Variants in ARF4 observed in about 807,000 individuals in gnomAD.
ARF4 encodes ARF GTPase 4, also known as ADP-ribosylation factor 4.
ARF4 carries 5 observed loss-of-function variants against 24.3 expected under a neutral mutation model. The observed-to-expected ratio is 0.21, with a 90% confidence interval of 0.11 to 0.43. The LOEUF is 0.43. ARF4 is among the 20% of genes least tolerant of loss of function. The probability of loss-of-function intolerance (pLI) is 1.00; values close to 1 mark genes in which losing one functional copy is unlikely to be tolerated. For synonymous variants in ARF4, 62 were observed against 73.5 expected (o/e 0.84, Z 0.80); for missense variants, 107 against 213.0 (o/e 0.50, Z 3.10).
At chr3:57,573,965 G>A (rs527338670) in intron 5 of ARF4, among the ~76,000 whole-genome samples, 7 of 148,038 alleles carry the variant, frequency 4.7e-5, no homozygotes, top group East Asian at 4.2e-4. Flanking sequence ...GTTTTGAGAC[G>A]GAGTCTCGCT....
intron 4 of ARF4, 61 bp downstream of exon 4, chr3:57,577,255 C>A: frequency 7.3e-7 from 1 of 1,368,254 alleles, no homozygotes; most frequent in Non-Finnish European, 1.0e-6. Context: ...TACTAAACCA[C>A]CACCAGTTTA....
chr3:57,575,686 G>A lies in ARF4; in HGVS notation c.331-13C>T. 2 of 1,601,494 alleles carry A rather than the reference G, an allele frequency of 1.2e-6. No individual in the cohort carries two copies. Among genetic ancestry groups the A allele is most frequent in the Non-Finnish European group, 1.7e-6 (2 of 1,175,278 alleles). ...CATCTACCAGAAGCTGGAAATAAAA[G>A]GTAAGGCATTAACAACTACCAACCG... On this transcript the variant is annotated splice_polypyrimidine_tract_variant and intron_variant, in intron 4 of 5. Transcript: ENST00000303436.
intron 1 of ARF4, among the ~76,000 whole-genome samples, chr3:57,585,104 T>C (rs1432927061): frequency 1.3e-5 from 2 of 152,272 alleles, no homozygotes; most frequent in African/African-American, 4.8e-5. Flanking sequence ...CCTCAAGTGA[T>C]CTGCCAGCCT....
intron 1 of ARF4, among the ~76,000 whole-genome samples, chr3:57,595,436 T>C (rs2070168348): frequency 6.6e-6 from 1 of 152,198 alleles, no homozygotes; most frequent in Admixed American, 6.6e-5. Flanking sequence ...TTAAATATGC[T>C]TGCCCTCCTA....
intron 1 of ARF4, among the ~76,000 whole-genome samples, chr3:57,589,865 G>A (rs1215472902): frequency 6.6e-6 from 1 of 151,556 alleles, no homozygotes; most frequent in African/African-American, 2.4e-5. Context: ...GGCCGAGGAG[G>A]GTGGATCATG....
At chr3:57,583,293 CCT>C (rs1351914683) in intron 3 of ARF4, among the ~76,000 whole-genome samples, 2 of 151,988 alleles carry the variant, frequency 1.3e-5, no homozygotes, top group African/African-American at 2.4e-5. Flanking sequence ...GATTATATCC[CCT>C]GATATTCTGA....
intron 3 of ARF4, among the ~76,000 whole-genome samples, chr3:57,583,139 C>G (rs111553139): frequency 6.6e-6 from 1 of 152,168 alleles, no homozygotes; most frequent in South Asian, 2.1e-4. Context: ...GATACCAGAC[C>G]AGTAGTATCA....
At position 57,575,577 on chromosome 3, in the gene ARF4, G is replaced by C. The variant is rs1349818124; in HGVS notation, c.427C>G (p.Leu143Val). The C allele has an allele frequency of 1.2e-6, 2 of 1,613,236 alleles. No individual in the cohort carries two copies. The highest frequency in any genetic ancestry group is 1.3e-5 in the African/African-American group (1 of 74,866). ...CTGTTACGAAGAGACTGAAGCCCTA[G>C]TTTATCTGTCATTTCACTGATGGCC... Reference protein sequence around the residue: ...AMAISEMTDKLGLQSLRNRTW... With the variant: ...AMAISEMTDKVGLQSLRNRTW... The change falls in exon 5 of 6, where the codon CTA (leucine) becomes GTA (valine). Residue 143 changes from leucine (L) to valine (V), a missense_variant. By Grantham distance (32) the Leu-to-Val change is conservative. Coordinates refer to ENST00000303436, the MANE Select transcript of ARF4 (RefSeq NM_001660.4).
chr3:57,590,132 T>TAAAAAAAA (rs1553731290), intron 1 of ARF4, among the ~76,000 whole-genome samples: 4 of 136,226 alleles, frequency 2.9e-5, no homozygotes, highest in Non-Finnish European at 1.6e-5. Context: ...AATAAATAAA[T>TAAAAAAAA]AAAACAAAAA....
At chr3:57,576,504 CTTTTTTTTT>C (rs376750506) in intron 4 of ARF4, among the ~76,000 whole-genome samples, 2 of 101,616 alleles carry the variant, frequency 2.0e-5, no homozygotes, top group South Asian at 3.3e-4. Context: ...CTCAACCAAG[CTTTTTTTTT>C]TTTTTTTTTT....
At chr3:57,590,657 T>C (rs2070101252) in intron 1 of ARF4, among the ~76,000 whole-genome samples, 1 of 146,364 alleles carries the variant, frequency 6.8e-6, no homozygotes, top group African/African-American at 2.4e-5. Context: ...CCTTCATAAT[T>C]ATAAGTGTGT....
chr3:57,592,161 C>T (rs1187006527), intron 1 of ARF4, among the ~76,000 whole-genome samples: 1 of 152,054 alleles, frequency 6.6e-6, no homozygotes, highest in Non-Finnish European at 1.5e-5. Context: ...ATGCTGCCAT[C>T]CTGCCTTTAG....
chr3:57,588,029 A>C (rs2153409170), intron 1 of ARF4, among the ~76,000 whole-genome samples: 2 of 152,344 alleles, frequency 1.3e-5, no homozygotes, highest in East Asian at 3.9e-4. Context: ...GAGCCACTTC[A>C]GTCATTTCTT....
intron 1 of ARF4, among the ~76,000 whole-genome samples, chr3:57,592,837 C>T (rs754766821): frequency 3.3e-5 from 5 of 151,998 alleles, no homozygotes; most frequent in Non-Finnish European, 7.4e-5. Flanking sequence ...TTGTAATAAG[C>T]TAAATCAAAA....
At position 57,579,299 on chromosome 3, in the gene ARF4, C is replaced by T. The variant is rs1164289610; in HGVS notation, c.259-1912G>A. ...GGAACTAGATTACATCCACTAAGGG[C>T]AAAGGACTATACTATATCTTTTTTT... On this transcript the variant is annotated intron_variant, in intron 3 of 5. Coordinates refer to ENST00000303436, the MANE Select transcript of ARF4 (RefSeq NM_001660.4). 6.5e-5 allele frequency among the ~76,000 whole-genome samples: 9 copies of T among 138,046 alleles called. No individual in the cohort carries two copies. The East Asian group carries it at 1.4e-3, about 21-fold the overall frequency. 90.6% of individuals were successfully genotyped at this position (138,046 alleles called of 152,430 possible). A position where few individuals can be genotyped will look rare whatever the true frequency, so the allele number is the denominator to read the frequency against.
At chr3:57,585,165 T>C (rs2070021677) in intron 1 of ARF4, among the ~76,000 whole-genome samples, 1 of 152,126 alleles carries the variant, frequency 6.6e-6, no homozygotes, top group Non-Finnish European at 1.5e-5. Context: ...TGCCCAGCCA[T>C]ACTACCATTT....
chr3:57,573,933 G>GT (rs201397852), intron 5 of ARF4, among the ~76,000 whole-genome samples: 2,361 of 146,456 alleles, frequency 0.016, 48 homozygotes, highest in African/African-American at 0.05. Context: ...GCAATAGGTT[G>GT]TTTTTTTTTG....
At chr3:57,588,290 G>A (rs967518371) in intron 1 of ARF4, among the ~76,000 whole-genome samples, 2 of 152,190 alleles carry the variant, frequency 1.3e-5, no homozygotes, top group Non-Finnish European at 2.9e-5. Context: ...TTGCTGGCCA[G>A]GCAGTCACTC....
intron 3 of ARF4, 125 bp from the exon 4 acceptor site, chr3:57,577,512 A>T (rs775684170): frequency 1.3e-5 from 9 of 719,682 alleles, no homozygotes; most frequent in Admixed American, 2.5e-5. Flanking sequence ...AAAAGTAAGA[A>T]CTTAAGGCTG....
Sources: allele counts gnomAD v4.1 joint callset (sites outside exome capture counted in the v4.1 genomes callset), GRCh38; gene constraint gnomAD v4.1.1; transcripts MANE v1.5; gene names NCBI Gene and HGNC (gene_info 2026-07-23, HGNC 2026-07-21).